The following PTGFR variants were observed in gnomAD, a reference collection of about 807,000 sequenced individuals.
PTGFR encodes prostaglandin F receptor.
Under a neutral mutation model 26.2 loss-of-function variants are expected in PTGFR, and 15 were observed. The ratio of observed to expected loss-of-function variants is 0.57; its 90% CI spans 0.38 to 0.88. The LOEUF (loss-of-function observed/expected upper bound fraction) is 0.88. PTGFR is among the 40% of genes least tolerant of loss of function. The probability of loss-of-function intolerance (pLI) is 0.00; values close to 1 mark genes in which losing one functional copy is unlikely to be tolerated. For synonymous variants in PTGFR, 165 were observed against 151.1 expected (o/e 1.09, Z -0.68); for missense variants, 369 against 427.2 (o/e 0.86, Z 1.20).
rs1047589759 is a variant in PTGFR, at chr1:78,518,619, C to T, written c.799-17787C>T. On this transcript the variant is annotated intron_variant, in intron 2 of 2. Transcript: ENST00000370757. Reference sequence around the variant, plus strand: ...ACACACACACACACACACACACACACATACGCATTTATAGCAGAGCATGTA... The same window carrying T: ...ACACACACACACACACACACACACATATACGCATTTATAGCAGAGCATGTA... Among the ~76,000 whole-genome samples, 245 of 112,546 alleles carry T rather than the reference C, an allele frequency of 2.2e-3. 2 individuals are homozygous for T. Among genetic ancestry groups the T allele is most frequent in the Non-Finnish European group, 8.7e-4 (44 of 50,604 alleles). 73.8% of individuals were successfully genotyped at this position (112,546 alleles called of 152,430 possible).
intron 2 of PTGFR, among the ~76,000 whole-genome samples, chr1:78,501,136 C>A (rs961112379): frequency 6.6e-6 from 1 of 152,006 alleles, no homozygotes; most frequent in African/African-American, 2.4e-5. Flanking sequence ...TTTATACCCT[C>A]AAGGATATAA....
chr1:78,513,446 T>TG (rs1404696316), intron 2 of PTGFR, among the ~76,000 whole-genome samples: 1 of 152,192 alleles, frequency 6.6e-6, no homozygotes, highest in African/African-American at 2.4e-5. Flanking sequence ...TTAAAAGTGA[T>TG]GGCCTAGGGT....
rs111828401 is a variant in PTGFR, at chr1:78,534,297, A to C, written c.799-2109A>C. ...GCTTGTCAGGAGACTGTTGCCAGAGACCAGAGAAAATGGCTTCCGACTGCT... is the reference window on the plus strand; with the variant it reads ...GCTTGTCAGGAGACTGTTGCCAGAGCCCAGAGAAAATGGCTTCCGACTGCT... On this transcript the variant is annotated intron_variant, in intron 2 of 2. Transcript: ENST00000370757. Among the ~76,000 whole-genome samples the C allele has an allele frequency of 6.7e-3, 1,020 of 152,234 alleles. 8 individuals are homozygous for C. Among genetic ancestry groups the C allele is most frequent in the South Asian group, 0.025 (123 of 4,826 alleles).
chr1:78,524,906 ATTTTTTTTTTTT>A (rs35641651), intron 2 of PTGFR, among the ~76,000 whole-genome samples: 17,437 of 71,790 alleles, frequency 0.24, 1,505 homozygotes, highest in Non-Finnish European at 0.3. Context: ...CAAATGCAAG[ATTTTTTTTTTTT>A]TTTTTTTTTT....
chr1:78,531,235 C>T (rs1650499094), intron 2 of PTGFR, among the ~76,000 whole-genome samples: 1 of 152,154 alleles, frequency 6.6e-6, no homozygotes, highest in Non-Finnish European at 1.5e-5. Flanking sequence ...AACTAACAAC[C>T]TATTGTGCAG....
rs926135910 is a variant in PTGFR at position 78,491,026 on chromosome 1, T to A, written c.-283T>A. On this transcript the variant is annotated 5_prime_UTR_variant, in exon 1 of 3. Coordinates refer to ENST00000370757, the MANE Select transcript of PTGFR (RefSeq NM_000959.4). ...GCCAGCGCAGCTAGGTGCAGAGGGA[T>A]CCCAGGAGCCGCGCGCGCCCCGCAG... 6.6e-6 allele frequency: 1 copy of A among 152,056 alleles called. No homozygotes were observed. Among genetic ancestry groups the A allele is most frequent in the East Asian group, 1.9e-4 (1 of 5,148 alleles). The allele number at this position is 152,056 out of a possible 1,614,324, so 9.4% of individuals were successfully genotyped here.
rs114662688 is a variant in PTGFR, at chr1:78,505,622, G to C, written c.798+12081G>C. ...CTTGGTACATTCACAATGTTGTGCAGCTGTCACCACTATCTTGTACAGAAC... is the reference window on the plus strand; with the variant it reads ...CTTGGTACATTCACAATGTTGTGCACCTGTCACCACTATCTTGTACAGAAC... On this transcript the variant is annotated intron_variant, in intron 2 of 2. Transcript: ENST00000370757. Among the ~76,000 whole-genome samples the C allele has an allele frequency of 6.6e-3, 1,009 of 152,192 alleles. 17 individuals carry two copies. Among genetic ancestry groups the C allele is most frequent in the African/African-American group, 0.023 (955 of 41,502 alleles).
At chr1:78,524,215 C>A (rs1650314567) in intron 2 of PTGFR, among the ~76,000 whole-genome samples, 1 of 152,020 alleles carries the variant, frequency 6.6e-6, no homozygotes, top group Admixed American at 6.6e-5. Flanking sequence ...AACCCCCATC[C>A]CTTCCACACC....
chr1:78,499,453 G>C (rs867951469), intron 2 of PTGFR, among the ~76,000 whole-genome samples: 3 of 152,206 alleles, frequency 2.0e-5, no homozygotes, highest in Non-Finnish European at 4.4e-5. Context: ...CCAGTGCCTG[G>C]CATATAGTTG....
intron 2 of PTGFR, among the ~76,000 whole-genome samples, chr1:78,521,036 C>T (rs531793022): frequency 2.6e-5 from 4 of 152,144 alleles, no homozygotes; most frequent in African/African-American, 9.6e-5. Context: ...ATAGTACAGC[C>T]ACATGCGGGC....
chr1:78,520,740 A>T (rs566150504), intron 2 of PTGFR, among the ~76,000 whole-genome samples: 142 of 152,212 alleles, frequency 9.3e-4, no homozygotes, highest in Non-Finnish European at 1.8e-3. Context: ...ATAAAGTAAA[A>T]ATAATTTGAT....
intron 2 of PTGFR, among the ~76,000 whole-genome samples, chr1:78,515,817 C>T (rs945700174): frequency 1.3e-5 from 2 of 152,140 alleles, no homozygotes; most frequent in African/African-American, 4.8e-5. Context: ...TATGTTTCTA[C>T]TCTGTTTCCT....
At chr1:78,498,381 C>T (rs1649609840) in intron 2 of PTGFR, among the ~76,000 whole-genome samples, 1 of 151,770 alleles carries the variant, frequency 6.6e-6, no homozygotes, top group South Asian at 2.1e-4. Flanking sequence ...TGCACATGTA[C>T]AATATAAATG....
At chr1:78,521,891 C>T (rs892914934) in intron 2 of PTGFR, among the ~76,000 whole-genome samples, 2 of 152,028 alleles carry the variant, frequency 1.3e-5, no homozygotes, top group African/African-American at 4.8e-5. Flanking sequence ...TTTTCTATTG[C>T]TGCATAACAG....
chr1:78,536,353 T>C, intron 2 of PTGFR, 53 bp from the exon 3 acceptor site: 1 of 1,520,576 alleles, frequency 6.6e-7, no homozygotes, highest in Non-Finnish European at 8.8e-7. Flanking sequence ...TTTTAAAAAT[T>C]ATAGGATTGA....
intron 2 of PTGFR, among the ~76,000 whole-genome samples, chr1:78,502,239 T>C (rs530719992): frequency 1.5e-3 from 224 of 152,262 alleles, no homozygotes; most frequent in Admixed American, 2.9e-3. Flanking sequence ...GAGTAAAGGA[T>C]AAAGATCTTT....
Position 78,539,177 on chromosome 1 carries a change from G to C in PTGFR, c.*2490G>C, listed in dbSNP as rs536746178. 4.6e-5 allele frequency: 7 copies of C among 151,722 alleles called. No individual in the cohort carries two copies. In the South Asian group the frequency reaches 1.5e-3, roughly 32 times the overall value. The allele number at this position is 151,722 out of a possible 1,614,324, so 9.4% of individuals were successfully genotyped here. A position where few individuals can be genotyped will look rare whatever the true frequency, so the allele number is the denominator to read the frequency against. On this transcript the variant is annotated 3_prime_UTR_variant, in exon 3 of 3. Transcript: ENST00000370757. ...TTATTTTTTTTTTTCCCTAGAGGCA[G>C]AAAGTTACTTCTAATGATCTATATA...
chr1:78,523,590 T>A (rs1474104562), intron 2 of PTGFR, among the ~76,000 whole-genome samples: 1 of 139,028 alleles, frequency 7.2e-6, no homozygotes, highest in Non-Finnish European at 1.6e-5. Context: ...CTGGCACAGG[T>A]AGGGTGGATA....
intron 2 of PTGFR, among the ~76,000 whole-genome samples, chr1:78,521,847 C>A (rs1275135076): frequency 6.6e-6 from 1 of 151,894 alleles, no homozygotes; most frequent in African/African-American, 2.4e-5. Context: ...TTCACTGTTT[C>A]CTAAATTTAA....
Sources: gnomAD v4.1 joint callset for allele counts (sites outside exome capture counted in the v4.1 genomes callset) on GRCh38, gnomAD v4.1.1 for gene constraint, MANE v1.5 for transcripts, NCBI Gene and HGNC (gene_info 2026-07-23, HGNC 2026-07-21) for gene names.